Variants in PTGIS observed in about 807,000 individuals in gnomAD.
The protein encoded by PTGIS is prostacyclin synthase.
A neutral mutation model predicts 50.3 loss-of-function variants in PTGIS; 45 were observed. The observed-to-expected ratio is 0.90, with a 90% CI of 0.70 to 1.15. The LOEUF (loss-of-function observed/expected upper bound fraction) is 1.15. Among genes scored for constraint, PTGIS ranks in the 50% most tolerant of loss-of-function variants. The pLI is 0.00. For missense variants in PTGIS, 668 were observed against 661.3 expected, an observed-to-expected ratio of 1.01 and a Z score of -0.11; for synonymous variants, 260 against 267.7, an observed-to-expected ratio of 0.97 and a Z score of 0.28.
At chr20:49,516,147 G>A (rs933209432) in intron 6 of PTGIS, among the ~76,000 whole-genome samples, 1 of 151,278 alleles carries the variant, frequency 6.6e-6, no homozygotes, top group African/African-American at 2.4e-5. Flanking sequence ...TCCCAAAGAA[G>A]CACAGACCAT....
chr20:49,537,871 A>G (rs1233989525), intron 5 of PTGIS, among the ~76,000 whole-genome samples: 2 of 152,170 alleles, frequency 1.3e-5, no homozygotes, highest in African/African-American at 4.8e-5. Context: ...ACAGCTCCAA[A>G]TGGGGGACTA....
rs749469026 is a variant in PTGIS at position 49,550,099 on chromosome 20, C to T, written c.165G>A (p.Thr55=). ...DFGKDAASFL[T]RMKEKHGDIF... is the part of the protein sequence containing the mutation. ...TGTCACCGTGCTTCTCCTTCATCCTCGTGAGGAAGCTGGCAGCATCTTTTC... is the reference window on the plus strand; with the variant it reads ...TGTCACCGTGCTTCTCCTTCATCCTTGTGAGGAAGCTGGCAGCATCTTTTC... The change falls in exon 2 of 10, where the codon ACG becomes ACA. Residue 55 remains threonine (T), a synonymous_variant. Coordinates refer to ENST00000244043, the MANE Select transcript of PTGIS (RefSeq NM_000961.4). The T allele has an allele frequency of 9.3e-6, 15 of 1,614,178 alleles. 1 individual carries two copies. The highest frequency in any genetic ancestry group is 3.3e-5 in the South Asian group (3 of 91,080).
intron 5 of PTGIS, among the ~76,000 whole-genome samples, chr20:49,537,699 G>A (rs1982115962): frequency 6.6e-6 from 1 of 152,112 alleles, no homozygotes. Context: ...AGGTTGCAGC[G>A]AGCCGAGATT....
Position 49,550,009 on chromosome 20 carries a change from C to A in PTGIS, c.198+57G>T, listed in dbSNP as rs1024733410. The A allele has an allele frequency of 3.7e-6, 6 of 1,613,454 alleles. No homozygotes were observed. In the African/African-American group the frequency reaches 6.7e-5, roughly 18 times the overall value. On this transcript the variant is annotated intron_variant, in intron 2 of 9. Coordinates refer to ENST00000244043, the MANE Select transcript of PTGIS (RefSeq NM_000961.4). ...ATATGTTGAAGGAATCAACAGAAAC[C>A]AGATATGAGGCCCAGCTGCTCATCC...
intron 6 of PTGIS, among the ~76,000 whole-genome samples, chr20:49,518,660 A>AC (rs1263821694): frequency 6.6e-6 from 1 of 151,740 alleles, no homozygotes; most frequent in African/African-American, 2.4e-5. Flanking sequence ...TGAAGACAAA[A>AC]AAAAAAACAA....
chr20:49,510,358 T>C (rs1234082969), intron 9 of PTGIS, among the ~76,000 whole-genome samples: 2 of 152,182 alleles, frequency 1.3e-5, no homozygotes, highest in Admixed American at 6.5e-5. Context: ...TGGTAATAAT[T>C]AACATTTTTC....
intron 1 of PTGIS, among the ~76,000 whole-genome samples, chr20:49,558,707 T>A (rs1012921641): frequency 3.7e-5 from 4 of 107,008 alleles, no homozygotes; most frequent in Non-Finnish European, 5.5e-5. Context: ...AAGAAGAAGT[T>A]AGACAATTTT....
At chr20:49,510,663 G>C (rs1981290857) in intron 9 of PTGIS, among the ~76,000 whole-genome samples, 1 of 152,186 alleles carries the variant, frequency 6.6e-6, no homozygotes, top group Admixed American at 6.5e-5. Context: ...AGTGGGAACA[G>C]TGAAGTTCGG....
chr20:49,538,172 T>G (rs1418829915), intron 5 of PTGIS, among the ~76,000 whole-genome samples: 1 of 147,744 alleles, frequency 6.8e-6, no homozygotes, highest in African/African-American at 2.5e-5. Flanking sequence ...GAAGGATCAC[T>G]TGATCCCAGG....
At chr20:49,513,057 G>A (rs754620944) in intron 8 of PTGIS, 23 bp downstream of exon 8, 2 of 1,613,820 alleles carry the variant, frequency 1.2e-6, no homozygotes, top group Non-Finnish European at 8.5e-7. Context: ...GACCCCATAT[G>A]ACCAGGCGCC....
intron 4 of PTGIS, among the ~76,000 whole-genome samples, chr20:49,539,975 C>G (rs1231046949): frequency 1.3e-5 from 2 of 152,154 alleles, no homozygotes; most frequent in African/African-American, 4.8e-5. Context: ...CAGCTGGTGC[C>G]CCGCGGCACT....
At chr20:49,562,449 C>T (rs1441055443) in intron 1 of PTGIS, among the ~76,000 whole-genome samples, 2 of 152,166 alleles carry the variant, frequency 1.3e-5, no homozygotes, top group Admixed American at 1.3e-4. Context: ...TTGGCTCCTC[C>T]AGCCTTGGGC....
intron 1 of PTGIS, among the ~76,000 whole-genome samples, chr20:49,553,971 A>C (rs1459495265): frequency 6.6e-6 from 1 of 152,206 alleles, no homozygotes. Context: ...AATTAAAAGG[A>C]AATTATTTAT....
chr20:49,508,055 G>A lies in PTGIS; in HGVS notation c.1368C>T (p.Phe456=), dbSNP rs1418974607. The A allele has an allele frequency of 4.3e-6, 7 of 1,613,748 alleles. No individual in the cohort carries two copies. The highest frequency in any genetic ancestry group is 5.1e-6 in the Non-Finnish European group (6 of 1,180,036). The change falls in exon 10 of 10, where the codon TTC becomes TTT. Residue 456 remains phenylalanine, a synonymous_variant. Coordinates refer to ENST00000244043, the MANE Select transcript of PTGIS (RefSeq NM_000961.4). ...CCAAGTCCAAGTGCACCAGCACAAG[G>A]AACACAAATCTGCAGAGAGATGGCA... The part of the protein sequence containing the change: ...YAVNSIKQFV[F]LVLVHLDLEL...
At chr20:49,547,808 G>A (rs1982401203) in intron 3 of PTGIS, 33 bp downstream of exon 3, 1 of 1,611,628 alleles carries the variant, frequency 6.2e-7, no homozygotes, top group Admixed American at 1.7e-5. Context: ...GCCCACCCTG[G>A]CCCTCCCACA....
Position 49,514,271 on chromosome 20 carries a change from G to T in PTGIS, c.980C>A (p.Thr327Lys), listed in dbSNP as rs143458794. 1.4e-5 allele frequency: 22 copies of T among 1,614,080 alleles called. No individual in the cohort carries two copies. The highest frequency in any genetic ancestry group is 1.9e-5 in the Non-Finnish European group (22 of 1,180,036). The change falls in exon 7 of 10, where the codon ACG becomes AAG. Residue 327 changes from threonine to lysine, a missense_variant. Transcript: ENST00000244043. ...LWQAEQPVSQ[T>K]TTLPQKVLDS... Reference sequence around the variant, plus strand: ...TAGAACCTTCTGTGGGAGAGTGGTCGTCTGCGAGACAGGCTGCTCCGCTTG... The same window carrying T: ...TAGAACCTTCTGTGGGAGAGTGGTCTTCTGCGAGACAGGCTGCTCCGCTTG...
At chr20:49,520,481 G>C (rs1981621352) in intron 6 of PTGIS, among the ~76,000 whole-genome samples, 1 of 151,910 alleles carries the variant, frequency 6.6e-6, no homozygotes. Context: ...TTACGGGCCT[G>C]TGCGACCATG....
chr20:49,564,106 T>G (rs1481372888), intron 1 of PTGIS, among the ~76,000 whole-genome samples: 3 of 152,256 alleles, frequency 2.0e-5, no homozygotes, highest in Admixed American at 2.0e-4. Flanking sequence ...GCTCGAAAAT[T>G]CTTGCTGTAA....
At chr20:49,523,741 T>G (rs554708447) in intron 6 of PTGIS, among the ~76,000 whole-genome samples, 56 of 152,172 alleles carry the variant, frequency 3.7e-4, no homozygotes, top group African/African-American at 1.3e-3. Context: ...ATCGAGCCAC[T>G]GCACTCCAGC....
Sources: gnomAD v4.1 joint callset for allele counts (sites outside exome capture counted in the v4.1 genomes callset) on GRCh38, gnomAD v4.1.1 for gene constraint, MANE v1.5 for transcripts, NCBI Gene and HGNC (gene_info 2026-07-23, HGNC 2026-07-21) for gene names.